The following TIPIN variants were observed in gnomAD, a reference collection of about 807,000 sequenced individuals.
The protein encoded by TIPIN is TIMELESS interacting protein, also known as TIMELESS-interacting protein.
In TIPIN, 29 loss-of-function variants were observed where a neutral mutation model predicts 35.6. That is an observed-to-expected ratio of 0.82 (90% CI 0.61 to 1.11). The LOEUF (loss-of-function observed/expected upper bound fraction) is 1.11, where lower values mean the gene tolerates loss of function less well. TIPIN is among the 50% of genes most tolerant of loss of function. TIPIN has a pLI of 0.00. For missense variants in TIPIN, 296 were observed against 345.4 expected (o/e 0.86, Z 1.13); for synonymous variants, 102 against 121.5 (o/e 0.84, Z 1.06).
intron 6 of TIPIN, chr15:66,348,321 A>C (rs1355474958): frequency 6.6e-6 from 1 of 151,706 alleles, no homozygotes; most frequent in Non-Finnish European, 1.5e-5. Flanking sequence ...TCACAGATCA[A>C]ACTCCTTGTT....
chr15:66,353,948 G>A (rs1422868114), intron 1 of TIPIN, among the ~76,000 whole-genome samples: 1 of 151,984 alleles, frequency 6.6e-6, no homozygotes, highest in East Asian at 1.9e-4. Context: ...GTGAAACCCC[G>A]TCTCTACTAA....
chr15:66,363,982 C>CA (rs1391075131), intron 1 of TIPIN, among the ~76,000 whole-genome samples: 50 of 147,244 alleles, frequency 3.4e-4, no homozygotes, highest in South Asian at 2.2e-3. Context: ...GACTCTTTCT[C>CA]AAAAAAAAAC....
chr15:66,346,836 G>A (rs916530902), intron 6 of TIPIN, among the ~76,000 whole-genome samples: 1 of 151,800 alleles, frequency 6.6e-6, no homozygotes, highest in African/African-American at 2.4e-5. Context: ...CTGTCGCCCA[G>A]GCTGGAGTGC....
At chr15:66,366,461 A>G (rs1394801250) in intron 1 of TIPIN, among the ~76,000 whole-genome samples, 2 of 151,360 alleles carry the variant, frequency 1.3e-5, no homozygotes, top group Non-Finnish European at 2.9e-5. Flanking sequence ...CTCAAAAAAT[A>G]AAGCACATTA....
intron 4 of TIPIN, among the ~76,000 whole-genome samples, chr15:66,350,598 T>C (rs1346189071): frequency 2.1e-5 from 3 of 139,964 alleles, no homozygotes; most frequent in Non-Finnish European, 4.6e-5. Flanking sequence ...AGGGCAAAAC[T>C]TCATCTCAAA....
chr15:66,375,287 C>T (rs2093292347), intron 1 of TIPIN, among the ~76,000 whole-genome samples: 1 of 151,786 alleles, frequency 6.6e-6, no homozygotes, highest in African/African-American at 2.4e-5. Flanking sequence ...AAGACCCCTC[C>T]TCTTAAAAAA....
intron 1 of TIPIN, among the ~76,000 whole-genome samples, chr15:66,373,954 C>T (rs1024751211): frequency 7.9e-5 from 12 of 152,132 alleles, no homozygotes; most frequent in Non-Finnish European, 1.3e-4. Context: ...CCTTTTGACT[C>T]GCCTTCCCAA....
rs569804723 is a variant in TIPIN at position 66,336,718 on chromosome 15, T to G, written c.*240A>C. ...TGACAGACCAGCAGCAGAAACTGCT[T>G]ATTACCTCCTAATCATTTTATGAAG... On this transcript the variant is annotated 3_prime_UTR_variant, in exon 8 of 8. Transcript: ENST00000261881. 14 of 446,242 alleles carry G rather than the reference T, an allele frequency of 3.1e-5. No homozygotes were observed. In the South Asian group the frequency reaches 3.9e-4, roughly 12 times the overall value. 27.6% of individuals were successfully genotyped at this position (446,242 alleles called of 1,614,324 possible).
Position 66,336,636 on chromosome 15 carries a change from A to G in TIPIN, c.*322T>C, listed in dbSNP as rs552012239. 1 of 301,120 alleles carries G rather than the reference A, an allele frequency of 3.3e-6. No homozygotes were observed. Among genetic ancestry groups the G allele is most frequent in the South Asian group, 4.0e-5 (1 of 25,134 alleles). The allele number at this position is 301,120 out of a possible 1,614,324, so 18.7% of individuals were successfully genotyped here. ...GTCCATGGATTAGCCCTGCTTTGCA[A>G]GGAGCAGTAAAAAACAGAAACAAAA... On this transcript the variant is annotated 3_prime_UTR_variant, in exon 8 of 8. Coordinates refer to ENST00000261881, the MANE Select transcript of TIPIN (RefSeq NM_017858.3).
intron 1 of TIPIN, among the ~76,000 whole-genome samples, chr15:66,363,030 C>T (rs1010274324): frequency 6.6e-6 from 1 of 152,286 alleles, no homozygotes; most frequent in East Asian, 1.9e-4. Flanking sequence ...TTCAGTTGGG[C>T]AGGCCAGAGA....
upstream of TIPIN, among the ~76,000 whole-genome samples, chr15:66,360,997 T>G (rs762946272): frequency 1.9e-4 from 29 of 151,956 alleles, no homozygotes; most frequent in Non-Finnish European, 4.0e-4. Flanking sequence ...CTGGGCATAG[T>G]GGCACACACC....
intron 6 of TIPIN, among the ~76,000 whole-genome samples, 176 bp downstream of exon 6, chr15:66,348,884 G>A (rs1052486124): frequency 1.3e-5 from 2 of 152,186 alleles, no homozygotes; most frequent in Non-Finnish European, 2.9e-5. Context: ...GTTGAAGGCT[G>A]CAGTAAGCTA....
intron 1 of TIPIN, chr15:66,382,206 A>G (rs1350718739): frequency 4.0e-6 from 1 of 249,820 alleles, no homozygotes; most frequent in African/African-American, 2.3e-5. Flanking sequence ...AGTAGTAGAC[A>G]GTATAATTCT....
intron 1 of TIPIN, chr15:66,367,009 C>T (rs1446035076): frequency 5.4e-6 from 2 of 367,592 alleles, no homozygotes; most frequent in Middle Eastern, 1.4e-3. Flanking sequence ...GACGAAACAC[C>T]GTCTCTACTA....
At chr15:66,373,323 C>T (rs2093284356) in intron 1 of TIPIN, among the ~76,000 whole-genome samples, 1 of 152,008 alleles carries the variant, frequency 6.6e-6, no homozygotes, top group African/African-American at 2.4e-5. Context: ...GAAACACCGT[C>T]TCTACTAAAA....
In TIPIN at chr15:66,367,833, G is replaced by GTTTTTTTTTTTTT. The variant is rs201442586; in HGVS notation, c.-8-14879_-8-14878insAAAAAAAAAAAAA. ...ATGTCCCTGTTATACATAAATCTTT[G>GTTTTTTTTTTTTT]TTTTTGTTTTTTTTTTTTTGATTCA... On this transcript the variant is annotated intron_variant, in intron 1 of 7. Coordinates refer to the TIPIN transcript ENST00000562124. 1.6e-5 allele frequency among the ~76,000 whole-genome samples: 2 copies of GTTTTTTTTTTTTT among 122,914 alleles called. 1 individual carries two copies. The highest frequency in any genetic ancestry group is 3.6e-5 in the Non-Finnish European group (2 of 55,956). 80.6% of individuals were successfully genotyped at this position (122,914 alleles called of 152,430 possible).
intron 1 of TIPIN, among the ~76,000 whole-genome samples, chr15:66,368,237 A>G (rs2093264998): frequency 2.6e-5 from 4 of 152,052 alleles, no homozygotes; most frequent in Admixed American, 2.6e-4. Context: ...AATAGTCTAT[A>G]GACTGGGCAC....
intron 1 of TIPIN, among the ~76,000 whole-genome samples, chr15:66,382,093 T>C (rs1360276891): frequency 6.6e-6 from 1 of 152,110 alleles, no homozygotes; most frequent in Non-Finnish European, 1.5e-5. Context: ...TAGCAGATTA[T>C]GTTTACATGA....
intron 1 of TIPIN, chr15:66,379,224 G>T: frequency 7.3e-7 from 1 of 1,365,140 alleles, no homozygotes; most frequent in Non-Finnish European, 9.7e-7. Context: ...AATTTATTTA[G>T]CTATTTACTT....
Sources: gnomAD v4.1 joint callset for allele counts (sites outside exome capture counted in the v4.1 genomes callset) on GRCh38, gnomAD v4.1.1 for gene constraint, MANE v1.5 for transcripts, NCBI Gene and HGNC (gene_info 2026-07-23, HGNC 2026-07-21) for gene names.